The following ATG4A variants were observed in gnomAD, a reference collection of about 807,000 sequenced individuals.
The protein encoded by ATG4A is autophagy related 4A cysteine peptidase, also known as cysteine protease ATG4A.
Under a neutral mutation model 38.4 loss-of-function variants are expected in ATG4A, and 22 were observed. The ratio of observed to expected loss-of-function variants is 0.57; its 90% confidence interval spans 0.41 to 0.82. The LOEUF (loss-of-function observed/expected upper bound fraction) is 0.82, where lower values mean the gene tolerates loss of function less well. Ranked by LOEUF, ATG4A falls within the 40% of genes least tolerant of loss-of-function variation. ATG4A has a pLI of 0.00. For missense variants in ATG4A, 220 were observed against 290.0 expected, an observed-to-expected ratio of 0.76 and a Z score of 1.75; for synonymous variants, 86 against 100.7, an observed-to-expected ratio of 0.85 and a Z score of 0.88.
chrX:108,118,755 T>G (rs1451127447), intron 1 of ATG4A, among the ~76,000 whole-genome samples: 4 of 112,097 alleles, frequency 3.6e-5, no homozygotes, highest in Non-Finnish European at 7.5e-5. Context: ...AGGAATAATT[T>G]AAAGACCAGT....
At chrX:108,089,391 T>C (rs749424279), upstream of ATG4A, among the ~76,000 whole-genome samples, 1 of 112,129 alleles carries the variant, frequency 8.9e-6, no homozygotes, top group Non-Finnish European at 1.9e-5. Flanking sequence ...TCAAGTTAGA[T>C]GCTGTAGAAG....
At chrX:108,091,967 C>T (rs2031643320) in intron 1 of ATG4A, 131 bp downstream of exon 1, 13 of 1,068,171 alleles carry the variant, frequency 1.2e-5, no homozygotes, top group Non-Finnish European at 1.6e-5. Flanking sequence ...AAGGTCCTGT[C>T]CCCCGGGGTT....
chrX:108,131,160 A>G lies in ATG4A; in HGVS notation c.194-100A>G, dbSNP rs531613496. On this transcript the variant is annotated intron_variant, in intron 3 of 12. Transcript: ENST00000372232. ...TATCTGTCACCTCACTTTTCAGAGT[A>G]TATATATTTACCTGTCTTGTGTGAG... 140 of 710,142 alleles carry G rather than the reference A, an allele frequency of 2.0e-4. No individual in the cohort carries two copies. The South Asian group carries it at 3.3e-3, about 17-fold the overall frequency. The allele number at this position is 710,142 out of a possible 1,213,427, so 58.5% of individuals were successfully genotyped here.
chrX:108,131,878 A>G (rs1297980020), intron 4 of ATG4A, among the ~76,000 whole-genome samples: 2 of 111,270 alleles, frequency 1.8e-5, no homozygotes, highest in Non-Finnish European at 3.8e-5. Context: ...TAATTAAGAA[A>G]GCCTTCTGAT....
At chrX:108,126,997 G>A (rs1192382898) in intron 2 of ATG4A, 1 of 247,268 alleles carries the variant, frequency 4.0e-6, no homozygotes, top group Non-Finnish European at 7.8e-6. Flanking sequence ...AGCTCCTCCT[G>A]AGCCTGGCTT....
intron 2 of ATG4A, among the ~76,000 whole-genome samples, chrX:108,128,303 G>A (rs182475043): frequency 2.7e-5 from 3 of 110,482 alleles, no homozygotes; most frequent in East Asian, 5.7e-4. Flanking sequence ...GGCCTGAAGC[G>A]ATCTCCCTGT....
chrX:108,137,776 A>G, intron 7 of ATG4A, 28 bp from the exon 8 acceptor site: 1 of 1,129,738 alleles, frequency 8.9e-7, no homozygotes, highest in Non-Finnish European at 1.2e-6. Context: ...CTCCTTACTT[A>G]TCCAATATTC....
intron 9 of ATG4A, among the ~76,000 whole-genome samples, chrX:108,149,213 G>A (rs1204068946): frequency 8.9e-6 from 1 of 112,657 alleles, no homozygotes; most frequent in Non-Finnish European, 1.9e-5. Flanking sequence ...CCCAGTCTTT[G>A]GCAGCAGGTA....
chrX:108,090,161 T>G (rs1317023144), upstream of ATG4A, among the ~76,000 whole-genome samples: 2 of 112,312 alleles, frequency 1.8e-5, no homozygotes, highest in South Asian at 3.7e-4. Context: ...TAAAGGTATT[T>G]CTTATATAAC....
chrX:108,099,761 T>C (rs1189745871), intron 1 of ATG4A, among the ~76,000 whole-genome samples: 3 of 112,026 alleles, frequency 2.7e-5, no homozygotes. Flanking sequence ...TTTGCACTGT[T>C]GTAAAATATA....
chrX:108,138,290 C>A lies in ATG4A; in HGVS notation c.814+99C>A. ...CCAGGCAATTCCAGTTAGTGGGTTC[C>A]CGTCTAGCCCAGGAATGCCGTGGCC... On this transcript the variant is annotated intron_variant, in intron 9 of 12. Coordinates refer to ENST00000372232, the MANE Select transcript of ATG4A (RefSeq NM_052936.5). The A allele has an allele frequency of 4.0e-6, 3 of 749,502 alleles. No individual in the cohort carries two copies. In the South Asian group the frequency reaches 6.9e-5, roughly 17 times the overall value. The allele number at this position is 749,502 out of a possible 1,213,427, so 61.8% of individuals were successfully genotyped here. A position where few individuals can be genotyped will look rare whatever the true frequency, so the allele number is the denominator to read the frequency against.
chrX:108,117,996 T>C (rs1373418622), intron 1 of ATG4A, among the ~76,000 whole-genome samples: 1 of 112,061 alleles, frequency 8.9e-6, no homozygotes, highest in African/African-American at 3.2e-5. Context: ...ACATATAAAG[T>C]GTTGTTTGCT....
At chrX:108,140,842 A>T (rs1026013265) in intron 9 of ATG4A, among the ~76,000 whole-genome samples, 25 of 97,463 alleles carry the variant, frequency 2.6e-4, no homozygotes, top group Non-Finnish European at 4.6e-4. Flanking sequence ...TACATACACA[A>T]AGTATTACAT....
At chrX:108,098,245 C>T (rs891295371) in intron 1 of ATG4A, among the ~76,000 whole-genome samples, 9 of 111,796 alleles carry the variant, frequency 8.1e-5, no homozygotes, top group Non-Finnish European at 1.5e-4. Flanking sequence ...CATTTAAAAG[C>T]GATTCCTTCA....
chrX:108,111,022 G>A (rs1372522120), intron 1 of ATG4A, among the ~76,000 whole-genome samples: 1 of 110,845 alleles, frequency 9.0e-6, no homozygotes, highest in Non-Finnish European at 1.9e-5. Context: ...TCTCATTTCA[G>A]CCTCCCGAGT....
At chrX:108,134,440 A>G in intron 6 of ATG4A, 29 bp downstream of exon 6, 1 of 1,166,099 alleles carries the variant, frequency 8.6e-7, no homozygotes, top group African/African-American at 1.8e-5. Flanking sequence ...CATCTGCCTT[A>G]TTCTGCTGTC....
At chrX:108,126,474 C>A (rs925090971) in intron 2 of ATG4A, among the ~76,000 whole-genome samples, 15 of 111,729 alleles carry the variant, frequency 1.3e-4, no homozygotes, top group African/African-American at 4.9e-4. Context: ...AAAGGAGAAT[C>A]CCCAAATTCT....
intron 4 of ATG4A, among the ~76,000 whole-genome samples, chrX:108,133,701 G>A (rs112398487): frequency 8.9e-6 from 1 of 112,179 alleles, no homozygotes; most frequent in Admixed American, 9.5e-5. Context: ...CTTATATACC[G>A]ATGTACTGCC....
In ATG4A at chrX:108,134,079, A is replaced by G; in HGVS notation, c.315A>G (p.Lys105=). The change falls in exon 5 of 13, where the codon AAA becomes AAG. Residue 105 remains lysine, a synonymous_variant. Transcript: ENST00000372232. ...LGRDWSWEKQ[K]EQPKEYQRIL... is the part of the protein sequence containing the mutation. The stretch of plus-strand genomic sequence containing the variant: ...AAGACTGGAGCTGGGAGAAACAAAA[A>G]GAACAACCCAAAGAATACCAACGCA... 8.3e-7 allele frequency: 1 copy of G among 1,203,112 alleles called. No individual in the cohort carries two copies.
Sources: allele counts gnomAD v4.1 joint callset (sites outside exome capture counted in the v4.1 genomes callset), GRCh38; gene constraint gnomAD v4.1.1; transcripts MANE v1.5; gene names NCBI Gene and HGNC (gene_info 2026-07-23, HGNC 2026-07-21).